The following RANBP2 variants were observed in gnomAD, a reference collection of about 807,000 sequenced individuals.
The protein encoded by RANBP2 is RAN binding protein 2.
In RANBP2, 57 loss-of-function variants were observed where a neutral mutation model predicts 303.6. The observed-to-expected ratio is 0.19, with a 90% CI of 0.15 to 0.23. The LOEUF (loss-of-function observed/expected upper bound fraction) is 0.23, where lower values mean the gene tolerates loss of function less well. Ranked by LOEUF, RANBP2 falls within the 10% of genes least tolerant of loss-of-function variation. RANBP2 has a pLI of 1.00. For missense variants in RANBP2, 3,138 were observed against 3,780.8 expected, an observed-to-expected ratio of 0.83 and a Z score of 4.46; for synonymous variants, 1,167 against 1,301.5, an observed-to-expected ratio of 0.90 and a Z score of 2.23.
the RANBP2 span, among the ~76,000 whole-genome samples, chr2:109,217,373 A>T: frequency 1.3e-5 from 2 of 152,250 alleles, no homozygotes; most frequent in African/African-American, 4.8e-5. Flanking sequence ...GAATGAGGCT[A>T]CAGGTCAAAT....
chr2:109,034,685 AGTTT>A, the RANBP2 span, among the ~76,000 whole-genome samples: 6 of 152,156 alleles, frequency 3.9e-5, no homozygotes, highest in African/African-American at 9.7e-5. Flanking sequence ...CATTGCAAAT[AGTTT>A]GTTCTGAGTT....
the RANBP2 span, chr2:109,437,016 C>G: frequency 6.2e-7 from 1 of 1,613,760 alleles, no homozygotes; most frequent in African/African-American, 1.3e-5. Context: ...CCACTGCCAC[C>G]AGGCCCGCCC....
At chr2:109,621,511 T>C in the RANBP2 span, among the ~76,000 whole-genome samples, 2 of 152,176 alleles carry the variant, frequency 1.3e-5, no homozygotes, top group African/African-American at 2.4e-5. Context: ...AATAGTCTTC[T>C]GGATCTCTAA....
At chr2:109,024,553 T>C in the RANBP2 span, among the ~76,000 whole-genome samples, 4 of 152,306 alleles carry the variant, frequency 2.6e-5, no homozygotes, top group Admixed American at 6.5e-5. Context: ...CTCTTGCCTT[T>C]AGCCTTCAAG....
rs1190722254 is a variant in RANBP2 at position 108,785,483 on chromosome 2, T to C, written c.*1582T>C. ...ATTCTTAAGTTAATGCAAGTGCTTT[T>C]TAAGAGACTTTTTACAGATTTGTAT... On this transcript the variant is annotated 3_prime_UTR_variant, in exon 29 of 29. Coordinates refer to ENST00000283195, the MANE Select transcript of RANBP2 (RefSeq NM_006267.5). The C allele has an allele frequency of 6.6e-6, 1 of 152,270 alleles. No homozygotes were observed. Among genetic ancestry groups the C allele is most frequent in the Non-Finnish European group, 1.5e-5 (1 of 68,048 alleles). 9.4% of individuals were successfully genotyped at this position (152,270 alleles called of 1,614,324 possible).
At chr2:109,019,987 C>A in the RANBP2 span, among the ~76,000 whole-genome samples, 1 of 152,170 alleles carries the variant, frequency 6.6e-6, no homozygotes, top group Non-Finnish European at 1.5e-5. Flanking sequence ...CCAGGGAAAA[C>A]AGGGTGAAAA....
the RANBP2 span, among the ~76,000 whole-genome samples, chr2:109,446,211 G>A: frequency 6.6e-6 from 1 of 152,152 alleles, no homozygotes; most frequent in Admixed American, 6.5e-5. Context: ...GCTTTCTCAC[G>A]CTACAGTTTT....
At chr2:109,647,718 C>A in the RANBP2 span, among the ~76,000 whole-genome samples, 3 of 152,158 alleles carry the variant, frequency 2.0e-5, no homozygotes, top group East Asian at 5.8e-4. Flanking sequence ...GATCCACCCG[C>A]CTCAGCCTCC....
At chr2:108,997,815 C>T in the RANBP2 span, among the ~76,000 whole-genome samples, 2 of 152,160 alleles carry the variant, frequency 1.3e-5, no homozygotes, top group East Asian at 1.9e-4. Context: ...CACTTGAACT[C>T]GGAGGGCGGA....
At chr2:109,586,705 A>G in the RANBP2 span, among the ~76,000 whole-genome samples, 2 of 152,210 alleles carry the variant, frequency 1.3e-5, no homozygotes, top group South Asian at 4.1e-4. Context: ...GGAGAGATGG[A>G]CAGAGCTTAA....
the RANBP2 span, among the ~76,000 whole-genome samples, chr2:109,642,634 C>G: frequency 2.2e-3 from 316 of 145,590 alleles, no homozygotes; most frequent in Non-Finnish European, 3.6e-3. Flanking sequence ...CTGTAGGCAA[C>G]AGAGCAAGAC....
the RANBP2 span, among the ~76,000 whole-genome samples, chr2:109,686,470 A>C: frequency 6.6e-6 from 1 of 152,080 alleles, no homozygotes; most frequent in Non-Finnish European, 1.5e-5. Flanking sequence ...GCCCGCCACC[A>C]TGCCAGGCTA....
the RANBP2 span, among the ~76,000 whole-genome samples, chr2:109,019,112 C>T: frequency 5.2e-4 from 79 of 152,354 alleles, no homozygotes; most frequent in African/African-American, 1.7e-3. Context: ...AGAGGAGGCC[C>T]GGGTTCAAAT....
chr2:109,110,534 G>T, the RANBP2 span, among the ~76,000 whole-genome samples: 4,360 of 152,270 alleles, frequency 0.029, 92 homozygotes, highest in Non-Finnish European at 0.044. Flanking sequence ...GGAACTGAGG[G>T]AGACATCCTT....
chr2:109,206,232 T>G, the RANBP2 span, among the ~76,000 whole-genome samples: 1 of 152,146 alleles, frequency 6.6e-6, no homozygotes, highest in African/African-American at 2.4e-5. Context: ...GGCTCACGCC[T>G]GTAATCCCAG....
the RANBP2 span, among the ~76,000 whole-genome samples, chr2:109,357,733 G>A: frequency 6.6e-6 from 1 of 152,120 alleles, no homozygotes; most frequent in East Asian, 1.9e-4. Flanking sequence ...TTGCTCTGTG[G>A]TGCTATTTTA....
the RANBP2 span, among the ~76,000 whole-genome samples, chr2:109,724,478 A>G: frequency 6.6e-6 from 1 of 152,136 alleles, no homozygotes; most frequent in Non-Finnish European, 1.5e-5. Flanking sequence ...CTTCACCTCC[A>G]TCAATCCTTC....
At chr2:109,060,641 G>A in the RANBP2 span, among the ~76,000 whole-genome samples, 1 of 152,206 alleles carries the variant, frequency 6.6e-6, no homozygotes, top group African/African-American at 2.4e-5. Context: ...CTTCTCTTGA[G>A]TCAAGATGGC....
At position 108,751,564 on chromosome 2, in the gene RANBP2, C is replaced by A. The variant is rs768171637; in HGVS notation, c.1492C>A (p.Gln498Lys). 30 of 1,610,326 alleles carry A rather than the reference C, an allele frequency of 1.9e-5. No individual in the cohort carries two copies. The highest frequency in any genetic ancestry group is 2.2e-5 in the Non-Finnish European group (26 of 1,179,114). The change falls in exon 11 of 29, where the codon CAA becomes AAA. Residue 498 changes from glutamine (Q) to lysine (K), a missense_variant. Transcript: ENST00000283195. ...TGGAGTAGTATATACCAGCCACTTACAATTAAAGGAGAAATGTAATTCTCA... is the reference window on the plus strand; with the variant it reads ...TGGAGTAGTATATACCAGCCACTTAAAATTAAAGGAGAAATGTAATTCTCA... Reference protein sequence around the residue: ...LLGVVYTSHLQLKEKCNSHHS... With the variant: ...LLGVVYTSHLKLKEKCNSHHS...
Sources: gnomAD v4.1 joint callset for allele counts (sites outside exome capture counted in the v4.1 genomes callset) on GRCh38, gnomAD v4.1.1 for gene constraint, MANE v1.5 for transcripts, NCBI Gene and HGNC (gene_info 2026-07-23, HGNC 2026-07-21) for gene names.